DKK3: variants seen among roughly 807,000 people sequenced by gnomAD.
DKK3 encodes the protein dickkopf Wnt signaling pathway inhibitor 3.
In DKK3, 22 loss-of-function variants were observed where a neutral mutation model predicts 33.2. That is an observed-to-expected ratio of 0.66 (90% CI 0.47 to 0.95). DKK3 has a LOEUF of 0.95. DKK3 is among the 40% of genes least tolerant of loss of function. DKK3 has a pLI of 0.00. For synonymous variants in DKK3, 194 were observed against 188.8 expected (o/e 1.03, Z -0.23); for missense variants, 398 against 458.4 (o/e 0.87, Z 1.20).
chr11:12,009,238 G>C, upstream of DKK3: 9 of 985,018 alleles, frequency 9.1e-6, no homozygotes, highest in East Asian at 1.1e-4. Flanking sequence ...AGGCCGCCGG[G>C]CTGCGGGTGC....
intron 3 of DKK3, among the ~76,000 whole-genome samples, chr11:11,977,246 G>C (rs1171835524): frequency 6.6e-6 from 1 of 151,894 alleles, no homozygotes; most frequent in Non-Finnish European, 1.5e-5. Flanking sequence ...CCTTAATCAG[G>C]AAAGAGTCCT....
intron 2 of DKK3, among the ~76,000 whole-genome samples, chr11:12,001,441 G>A (rs547702894): frequency 2.0e-5 from 3 of 152,168 alleles, no homozygotes; most frequent in Non-Finnish European, 2.9e-5. Context: ...AATTACCTGC[G>A]CACTTGAATA....
chr11:11,993,752 A>C (rs924403237), intron 3 of DKK3, among the ~76,000 whole-genome samples: 1 of 152,198 alleles, frequency 6.6e-6, no homozygotes, highest in Non-Finnish European at 1.5e-5. Context: ...AATGTACCCA[A>C]ACTCTGTGTG....
intron 3 of DKK3, among the ~76,000 whole-genome samples, chr11:11,969,560 G>A (rs1030053358): frequency 2.0e-5 from 3 of 152,154 alleles, no homozygotes; most frequent in Non-Finnish European, 4.4e-5. Flanking sequence ...TCCACATGTA[G>A]CAGCCAGTGG....
chr11:11,999,234 C>T (rs532695212), intron 2 of DKK3, among the ~76,000 whole-genome samples: 2 of 152,328 alleles, frequency 1.3e-5, no homozygotes, highest in Non-Finnish European at 2.9e-5. Flanking sequence ...TAGTGAATGG[C>T]TTCATTTCAT....
intron 5 of DKK3, among the ~76,000 whole-genome samples, 196 bp from the exon 6 acceptor site, chr11:11,966,161 GC>G (rs779921573): frequency 6.6e-6 from 1 of 152,230 alleles, no homozygotes; most frequent in Non-Finnish European, 1.5e-5. Flanking sequence ...TAGGGCTGAA[GC>G]AGGGAGGACT....
rs1025877848 is a variant in DKK3, at chr11:11,968,733, C to T, written c.436-246G>A. ...GGATCCCACACCAAATTCACACAAT[C>T]GCCATCTGTGCACAGTTCTCCCCCA... On this transcript the variant is annotated intron_variant, in intron 3 of 6. Coordinates refer to ENST00000683431, the MANE Select transcript of DKK3 (RefSeq NM_001018057.2). 1.6e-5 allele frequency: 7 copies of T among 445,316 alleles called. No individual in the cohort carries two copies. The Admixed American group carries it at 1.6e-4, about 10-fold the overall frequency. The allele number at this position is 445,316 out of a possible 1,614,324, so 27.6% of individuals were successfully genotyped here.
At chr11:11,968,676 T>C (rs1847657372) in intron 3 of DKK3, 189 bp from the exon 4 acceptor site, 1 of 519,546 alleles carries the variant, frequency 1.9e-6, no homozygotes, top group Non-Finnish European at 3.4e-6. Context: ...AGCATCTCCA[T>C]GCCTAGGAGG....
chr11:11,980,084 A>G (rs1298800663), intron 3 of DKK3, among the ~76,000 whole-genome samples: 4 of 152,178 alleles, frequency 2.6e-5, no homozygotes, highest in African/African-American at 9.7e-5. Context: ...CCGGGAACCC[A>G]TGACTTCCCT....
At chr11:11,994,909 A>C (rs896987871) in intron 3 of DKK3, among the ~76,000 whole-genome samples, 1 of 152,162 alleles carries the variant, frequency 6.6e-6, no homozygotes, top group African/African-American at 2.4e-5. Flanking sequence ...AAGTATCCTC[A>C]CAACATGCGG....
In DKK3 at chr11:11,998,686, G is replaced by A. The variant is rs2133323127; in HGVS notation, c.435+10C>T. On this transcript the variant is annotated intron_variant, in intron 3 of 6. Transcript: ENST00000683431. The stretch of plus-strand genomic sequence containing the variant: ...GTCGGGGTGCAAGTACAGGGGAAAT[G>A]ACAACTTACGTGGCTCCTTCTGCCT... 8 of 1,612,442 alleles carry A rather than the reference G, an allele frequency of 5.0e-6. No homozygotes were observed. Among genetic ancestry groups the A allele is most frequent in the South Asian group, 1.1e-5 (1 of 91,034 alleles).
chr11:11,990,551 G>A (rs1251539914), intron 3 of DKK3, among the ~76,000 whole-genome samples: 1 of 152,170 alleles, frequency 6.6e-6, no homozygotes, highest in East Asian at 1.9e-4. Context: ...TCTCATTACA[G>A]TATACAGTAC....
chr11:11,965,264 TG>T (rs1216055216), intron 6 of DKK3, among the ~76,000 whole-genome samples: 1 of 152,142 alleles, frequency 6.6e-6, no homozygotes, highest in Admixed American at 6.5e-5. Flanking sequence ...CCGTGGGGAA[TG>T]GGAGTTCTGC....
intron 3 of DKK3, among the ~76,000 whole-genome samples, chr11:11,979,473 G>A (rs770475420): frequency 6.6e-5 from 10 of 152,244 alleles, no homozygotes; most frequent in African/African-American, 1.2e-4. Flanking sequence ...GAATCCGGAT[G>A]TGGATCCCAG....
intron 3 of DKK3, among the ~76,000 whole-genome samples, chr11:11,996,389 T>C (rs1848294049): frequency 1.3e-5 from 2 of 152,300 alleles, no homozygotes; most frequent in South Asian, 2.1e-4. Flanking sequence ...AGGAAGGTGG[T>C]TGAATGAAAG....
intron 3 of DKK3, among the ~76,000 whole-genome samples, chr11:11,995,458 C>T (rs1419189478): frequency 6.6e-6 from 1 of 152,116 alleles, no homozygotes; most frequent in African/African-American, 2.4e-5. Flanking sequence ...TAGGTGTGTT[C>T]ACCTAGATAC....
chr11:12,003,317 G>C (rs1164336334), intron 1 of DKK3, among the ~76,000 whole-genome samples: 3 of 152,106 alleles, frequency 2.0e-5, no homozygotes, highest in Non-Finnish European at 4.4e-5. Flanking sequence ...GGGTACCCTT[G>C]TAGGAAATCC....
intron 1 of DKK3, among the ~76,000 whole-genome samples, chr11:12,004,980 T>C (rs189314813): frequency 6.6e-6 from 1 of 152,104 alleles, no homozygotes; most frequent in Non-Finnish European, 1.5e-5. Context: ...TGACTTTCCT[T>C]AAAAGCAAGA....
At chr11:11,994,765 G>A (rs563893668) in intron 3 of DKK3, 1 of 152,140 alleles carries the variant, frequency 6.6e-6, no homozygotes, top group African/African-American at 2.4e-5. Context: ...GCGCTTGTTC[G>A]ATACACTTTC....
Sources: gnomAD v4.1 joint callset for allele counts (sites outside exome capture counted in the v4.1 genomes callset) on GRCh38, gnomAD v4.1.1 for gene constraint, MANE v1.5 for transcripts, NCBI Gene and HGNC (gene_info 2026-07-23, HGNC 2026-07-21) for gene names.